Variants in PPP6R2 observed in about 807,000 individuals in gnomAD.
PPP6R2 encodes the protein protein phosphatase 6 regulatory subunit 2.
In PPP6R2, 62 loss-of-function variants were observed where a neutral mutation model predicts 100.2. The observed-to-expected ratio is 0.62, with a 90% confidence interval of 0.50 to 0.76. PPP6R2 has a LOEUF of 0.76. PPP6R2 is among the 30% of genes least tolerant of loss of function. The probability of loss-of-function intolerance (pLI) is 0.00; values close to 1 mark genes in which losing one functional copy is unlikely to be tolerated. For synonymous variants in PPP6R2, 525 were observed against 514.7 expected (o/e 1.02, Z -0.27); for missense variants, 1,142 against 1,276.3 (o/e 0.89, Z 1.60).
chr22:50,430,258 A>G (rs993052931), intron 10 of PPP6R2, among the ~76,000 whole-genome samples: 1 of 152,244 alleles, frequency 6.6e-6, no homozygotes. Flanking sequence ...GCTTCAGCCC[A>G]TGCTGGTTAA....
At chr22:50,387,589 G>A (rs2054509123) in intron 2 of PPP6R2, among the ~76,000 whole-genome samples, 1 of 152,140 alleles carries the variant, frequency 6.6e-6, no homozygotes, top group African/African-American at 2.4e-5. Context: ...CTATCCAGTG[G>A]TATGTTGGTA....
intron 1 of PPP6R2, among the ~76,000 whole-genome samples, chr22:50,354,196 T>G (rs774300515): frequency 1.2e-4 from 19 of 152,110 alleles, no homozygotes; most frequent in Admixed American, 5.2e-4. Context: ...TTCCAGCTAC[T>G]CAGGAGGCTG....
intron 10 of PPP6R2, among the ~76,000 whole-genome samples, chr22:50,425,267 T>C (rs1292374312): frequency 1.3e-5 from 2 of 152,244 alleles, no homozygotes; most frequent in East Asian, 3.9e-4. Flanking sequence ...TTTTTGTGAC[T>C]GACTTATTTC....
At chr22:50,371,163 C>G (rs935256676) in intron 1 of PPP6R2, among the ~76,000 whole-genome samples, 1 of 152,092 alleles carries the variant, frequency 6.6e-6, no homozygotes, top group Non-Finnish European at 1.5e-5. Context: ...CATTATTTCA[C>G]CTGGGACTAG....
chr22:50,386,690 C>T (rs1057438794), intron 2 of PPP6R2, among the ~76,000 whole-genome samples: 1 of 152,066 alleles, frequency 6.6e-6, no homozygotes. Context: ...TTTTGGTTTC[C>T]CACCAGGCGG....
In PPP6R2 at chr22:50,423,340, A is replaced by G. The variant is rs1335138681; in HGVS notation, c.973-122A>G. ...AGACGGCCCTCCCTGAGGAACCCCCACCACATACCTCGCTACCCCAGGCTG... is the reference window on the plus strand; with the variant it reads ...AGACGGCCCTCCCTGAGGAACCCCCGCCACATACCTCGCTACCCCAGGCTG... On this transcript the variant is annotated intron_variant, in intron 9 of 23. Coordinates refer to ENST00000612753, the MANE Select transcript of PPP6R2 (RefSeq NM_001242898.2). This position sits in a 1 kb window ranked among gnomAD's most constrained non-coding sequence, Gnocchi z 4.8. 1.6e-6 allele frequency: 2 copies of G among 1,238,542 alleles called. No homozygotes were observed. The highest frequency in any genetic ancestry group is 2.2e-6 in the Non-Finnish European group (2 of 890,010). 76.7% of individuals were successfully genotyped at this position (1,238,542 alleles called of 1,614,324 possible).
chr22:50,398,665 A>G (rs913168621), intron 3 of PPP6R2, among the ~76,000 whole-genome samples: 12 of 151,138 alleles, frequency 7.9e-5, no homozygotes, highest in Admixed American at 2.0e-4. Flanking sequence ...ACAGGCGCAC[A>G]CCAGCATGCC....
intron 1 of PPP6R2, among the ~76,000 whole-genome samples, chr22:50,359,513 G>C (rs959189769): frequency 6.8e-6 from 1 of 146,894 alleles, no homozygotes; most frequent in African/African-American, 2.7e-5. Context: ...CACCATGCCC[G>C]GCCTGTGGAG....
chr22:50,432,354 G>C, intron 12 of PPP6R2, 25 bp downstream of exon 12: 1 of 1,543,488 alleles, frequency 6.5e-7, no homozygotes, highest in Non-Finnish European at 8.8e-7. Context: ...GACGTGGAGG[G>C]ACCCAGCCTG....
At position 50,443,953 on chromosome 22, in the gene PPP6R2, C is replaced by T. The variant is rs764327277; in HGVS notation, c.2667C>T (p.Pro889=). ...CTGCCCCAGCCGTGGCTGTGCCCCCCGAGGCTACTGTGGCCATCACCACAG... is the reference window on the plus strand; with the variant it reads ...CTGCCCCAGCCGTGGCTGTGCCCCCTGAGGCTACTGTGGCCATCACCACAG... ...VTAAPAVAVP[P]EATVAITTAL... Residue 889 remains proline (P), a synonymous_variant, in exon 23 of 24, where the codon CCC becomes CCT. Transcript: ENST00000612753. 16 of 1,610,790 alleles carry T rather than the reference C, an allele frequency of 9.9e-6. No homozygotes were observed. Among genetic ancestry groups the T allele is most frequent in the South Asian group, 7.7e-5 (7 of 90,722 alleles).
intron 2 of PPP6R2, among the ~76,000 whole-genome samples, chr22:50,375,202 T>C (rs1334924470): frequency 1.3e-5 from 2 of 152,104 alleles, no homozygotes; most frequent in Non-Finnish European, 2.9e-5. Flanking sequence ...TCTGAGAATG[T>C]TAGGCTAGGT....
chr22:50,422,254 G>A lies in PPP6R2; in HGVS notation c.846G>A (p.Gly282=), dbSNP rs1047008960. 9 of 1,613,878 alleles carry A rather than the reference G, an allele frequency of 5.6e-6. No homozygotes were observed. Among genetic ancestry groups the A allele is most frequent in the Non-Finnish European group, 7.6e-6 (9 of 1,179,856 alleles). Residue 282 remains glycine, a splice_region_variant and synonymous_variant, in exon 9 of 24, where the codon GGG becomes GGA. Transcript: ENST00000612753. ...LLTLLETRRV[G]TEGLVDSFSQ... ...CTCCATCTGCTTTCCTCATCCACAG[G>A]ACAGAGGGCTTGGTGGACTCCTTTT...
intron 1 of PPP6R2, among the ~76,000 whole-genome samples, chr22:50,366,556 G>A (rs765773248): frequency 5.3e-5 from 8 of 151,954 alleles, no homozygotes; most frequent in Non-Finnish European, 1.0e-4. Context: ...CACCGGCCTC[G>A]GCCTCCCAAA....
In PPP6R2 at chr22:50,423,560, C is replaced by T. The variant is rs1236343954; in HGVS notation, c.1071C>T (p.Asn357=). Residue 357 remains asparagine (N), a synonymous_variant, in exon 10 of 24, where the codon AAC becomes AAT. Coordinates refer to ENST00000612753, the MANE Select transcript of PPP6R2 (RefSeq NM_001242898.2). This position sits in a 1 kb window ranked among gnomAD's most constrained non-coding sequence, Gnocchi z 4.8. ...ARLMAALLHT[N]TPSINQELCR... ...TCATGGCAGCACTGCTGCACACAAA[C>T]ACACCCAGCATCAACCAGGAGCTCT... is the stretch of plus-strand genomic sequence containing the variant. 5 of 1,614,122 alleles carry T rather than the reference C, an allele frequency of 3.1e-6. No homozygotes were observed. The African/African-American group carries it at 6.7e-5, about 22-fold the overall frequency.
intron 3 of PPP6R2, 72 bp from the exon 4 acceptor site, chr22:50,406,616 GA>G: frequency 7.0e-7 from 1 of 1,423,588 alleles, no homozygotes; most frequent in Non-Finnish European, 9.7e-7. Context: ...CTAAGAAGCA[GA>G]CTATGTAAGC....
intron 2 of PPP6R2, among the ~76,000 whole-genome samples, chr22:50,386,592 A>T (rs2054304286): frequency 2.0e-5 from 3 of 152,100 alleles, no homozygotes; most frequent in African/African-American, 7.2e-5. Flanking sequence ...GTGCAAGCAC[A>T]TTTCTTTCTC....
intron 2 of PPP6R2, among the ~76,000 whole-genome samples, chr22:50,382,266 A>G (rs1444984453): frequency 6.6e-6 from 1 of 152,162 alleles, no homozygotes; most frequent in East Asian, 1.9e-4. Flanking sequence ...TCTTTACCCA[A>G]ACAGCTTTAA....
At chr22:50,391,196 G>A (rs1201955839) in intron 2 of PPP6R2, among the ~76,000 whole-genome samples, 1 of 151,458 alleles carries the variant, frequency 6.6e-6, no homozygotes, top group African/African-American at 2.4e-5. Context: ...CACTGTGGGG[G>A]GCCTAGGTGG....
chr22:50,396,132 G>A (rs978381605), intron 3 of PPP6R2, among the ~76,000 whole-genome samples: 2 of 147,506 alleles, frequency 1.4e-5, no homozygotes, highest in Non-Finnish European at 3.0e-5. Context: ...GGAGGTGGAG[G>A]TTGCAGTGAG....
Sources: allele counts gnomAD v4.1 joint callset (sites outside exome capture counted in the v4.1 genomes callset), GRCh38; gene constraint gnomAD v4.1.1; non-coding constraint Gnocchi (gnomAD v3.1); transcripts MANE v1.5; gene names NCBI Gene and HGNC (gene_info 2026-07-23, HGNC 2026-07-21).